Variants in DLG2 observed in about 807,000 individuals in gnomAD.
DLG2 encodes the protein discs large MAGUK scaffold protein 2.
Under a neutral mutation model 132.5 loss-of-function variants are expected in DLG2, and 45 were observed. The ratio of observed to expected loss-of-function variants is 0.34; its 90% CI spans 0.27 to 0.44. The LOEUF (loss-of-function observed/expected upper bound fraction) is 0.44, where lower values mean the gene tolerates loss of function less well. Ranked by LOEUF, DLG2 falls within the 20% of genes least tolerant of loss-of-function variation. DLG2 has a pLI of 1.00. For synonymous variants in DLG2, 424 were observed against 419.6 expected, an observed-to-expected ratio of 1.01 and a Z score of -0.13; for missense variants, 1,045 against 1,196.9, an observed-to-expected ratio of 0.87 and a Z score of 1.87.
At chr11:85,467,036 A>G (rs1181494486) in intron 3 of DLG2, among the ~76,000 whole-genome samples, 2 of 152,166 alleles carry the variant, frequency 1.3e-5, no homozygotes, top group Non-Finnish European at 2.9e-5. Flanking sequence ...ATCCCTTGTA[A>G]GTTGGATTCC....
chr11:84,928,980 GTGTATA>G (rs1198201450), intron 6 of DLG2, among the ~76,000 whole-genome samples: 834 of 40,010 alleles, frequency 0.021, 6 homozygotes, highest in Non-Finnish European at 0.029. Context: ...GTGTGTGTGT[GTGTATA>G]TATATATATA....
At chr11:85,025,595 T>G (rs988368223) in intron 6 of DLG2, among the ~76,000 whole-genome samples, 6 of 152,202 alleles carry the variant, frequency 3.9e-5, no homozygotes, top group Admixed American at 3.9e-4. Flanking sequence ...CATCCCAATT[T>G]AATATATACA....
chr11:83,555,412 T>C (rs545413128), intron 19 of DLG2, among the ~76,000 whole-genome samples: 31 of 152,288 alleles, frequency 2.0e-4, no homozygotes, highest in African/African-American at 4.3e-4. Flanking sequence ...GAACCATAGA[T>C]TGGGCAAGAC....
At chr11:84,936,584 A>G (rs542046438) in intron 6 of DLG2, 1 of 152,176 alleles carries the variant, frequency 6.6e-6, no homozygotes, top group Non-Finnish European at 1.5e-5. Flanking sequence ...TATTTTATAC[A>G]CATGTATACA....
chr11:84,499,754 C>G (rs966050700), intron 7 of DLG2, among the ~76,000 whole-genome samples: 6 of 151,842 alleles, frequency 4.0e-5, no homozygotes, highest in African/African-American at 1.5e-4. Context: ...TCCTTCCTCT[C>G]TCTCTCTCTC....
intron 6 of DLG2, chr11:84,887,385 G>A (rs919453317): frequency 5.9e-5 from 9 of 152,130 alleles, no homozygotes; most frequent in African/African-American, 2.2e-4. Context: ...ATATTGGGAA[G>A]TCTTGGGATC....
At chr11:84,642,439 G>A (rs1465314826) in intron 6 of DLG2, among the ~76,000 whole-genome samples, 5 of 151,884 alleles carry the variant, frequency 3.3e-5, no homozygotes, top group East Asian at 1.9e-4. Flanking sequence ...TTAAAGTGAC[G>A]GAAAGAGATA....
At chr11:84,861,064 C>T (rs991527669) in intron 6 of DLG2, among the ~76,000 whole-genome samples, 3 of 152,028 alleles carry the variant, frequency 2.0e-5, no homozygotes, top group Non-Finnish European at 4.4e-5. Context: ...TAAACAACCA[C>T]AATACAGTAT....
In DLG2 at chr11:85,606,170, T is replaced by C. The variant is rs140457641; in HGVS notation, c.-92-7382A>G. Reference sequence around the variant, plus strand: ...TAGAACGATTAACTATAGTATGATATGTATCCATTAAAACAAGCAATAACA... The same window carrying C: ...TAGAACGATTAACTATAGTATGATACGTATCCATTAAAACAAGCAATAACA... On this transcript the variant is annotated intron_variant, in intron 2 of 27. Coordinates refer to ENST00000376104, the MANE Select transcript of DLG2 (RefSeq NM_001142699.3). Among the ~76,000 whole-genome samples, 93 of 152,354 alleles carry C rather than the reference T, an allele frequency of 6.1e-4. 1 individual carries two copies. The East Asian group carries it at 0.017, about 27-fold the overall frequency.
intron 12 of DLG2, among the ~76,000 whole-genome samples, chr11:83,973,944 C>T (rs1025375890): frequency 3.3e-5 from 5 of 151,402 alleles, no homozygotes; most frequent in African/African-American, 1.2e-4. Context: ...ATTGGAAATC[C>T]CTTTGTCTAA....
At chr11:85,538,829 G>T (rs1482620920) in intron 3 of DLG2, among the ~76,000 whole-genome samples, 1 of 151,706 alleles carries the variant, frequency 6.6e-6, no homozygotes. Context: ...AATGCACACT[G>T]GGGCCTGTTG....
intron 8 of DLG2, among the ~76,000 whole-genome samples, chr11:84,232,655 CAGA>C (rs1284097740): frequency 2.0e-5 from 3 of 152,140 alleles, no homozygotes; most frequent in Non-Finnish European, 4.4e-5. Flanking sequence ...GAGGACACAG[CAGA>C]AGGATGGTTA....
At chr11:85,060,496 C>T (rs1336468909) in intron 6 of DLG2, among the ~76,000 whole-genome samples, 2 of 149,944 alleles carry the variant, frequency 1.3e-5, no homozygotes, top group East Asian at 3.9e-4. Context: ...TATATACACG[C>T]ATATGTATAT....
intron 6 of DLG2, among the ~76,000 whole-genome samples, chr11:84,542,452 C>A (rs1342899189): frequency 1.3e-5 from 2 of 152,148 alleles, no homozygotes; most frequent in African/African-American, 4.8e-5. Flanking sequence ...ATCTGTCCCT[C>A]TGTAATCCAA....
intron 3 of DLG2, among the ~76,000 whole-genome samples, chr11:85,579,467 G>A (rs954785742): frequency 6.6e-6 from 1 of 152,148 alleles, no homozygotes; most frequent in African/African-American, 2.4e-5. Context: ...AGAAAAAAGT[G>A]AACGAAGTGG....
chr11:84,233,115 G>A (rs1406274251), intron 8 of DLG2, among the ~76,000 whole-genome samples: 1 of 152,186 alleles, frequency 6.6e-6, no homozygotes, highest in Non-Finnish European at 1.5e-5. Context: ...ATGGATGAAA[G>A]TGTTATAGTA....
chr11:85,240,992 T>C lies in DLG2; in HGVS notation c.186+44228A>G, dbSNP rs973809187. The stretch of plus-strand genomic sequence containing the variant: ...TTATTAATGTCATTTTAAATAAAGA[T>C]ACATTTGGAGAGAAATTTGACATTT... On this transcript the variant is annotated intron_variant, in intron 4 of 27. Transcript: ENST00000376104. 2.6e-5 allele frequency among the ~76,000 whole-genome samples: 4 copies of C among 151,868 alleles called. No individual in the cohort carries two copies. The South Asian group carries it at 8.3e-4, about 32-fold the overall frequency.
At chr11:84,525,542 C>T (rs908280698) in intron 7 of DLG2, among the ~76,000 whole-genome samples, 4 of 152,170 alleles carry the variant, frequency 2.6e-5, no homozygotes, top group African/African-American at 7.2e-5. Flanking sequence ...CTCTGCTTTA[C>T]ATCAAAGCTT....
In DLG2 at chr11:83,705,830, G is replaced by C. The variant is rs576310783; in HGVS notation, c.1826-72505C>G. The stretch of plus-strand genomic sequence containing the variant: ...AGCATATGAAGGCTTATTTTGCATG[G>C]CTCTTGGAAAAGTAGAACTATGCTT... On this transcript the variant is annotated intron_variant, in intron 18 of 27. Transcript: ENST00000376104. Among the ~76,000 whole-genome samples, 42 of 152,280 alleles carry C rather than the reference G, an allele frequency of 2.8e-4. 1 individual carries two copies. The highest frequency in any genetic ancestry group is 3.4e-3 in the Middle Eastern group (1 of 294).
Sources: allele counts gnomAD v4.1 joint callset (sites outside exome capture counted in the v4.1 genomes callset), GRCh38; gene constraint gnomAD v4.1.1; transcripts MANE v1.5; gene names NCBI Gene and HGNC (gene_info 2026-07-23, HGNC 2026-07-21).